ACYP2: variants seen among roughly 807,000 people sequenced by gnomAD.
ACYP2 encodes acylphosphatase 2.
Under a neutral mutation model 11.2 loss-of-function variants are expected in ACYP2, and 12 were observed. The observed-to-expected ratio is 1.08, with a 90% CI of 0.69 to 1.74. ACYP2 has a LOEUF of 1.74. Among genes scored for constraint, ACYP2 ranks in the 40% most tolerant of loss-of-function variants. The probability of loss-of-function intolerance (pLI) is 0.00; values close to 1 mark genes in which losing one functional copy is unlikely to be tolerated. For synonymous variants in ACYP2, 43 were observed against 32.2 expected (o/e 1.33, Z -1.13); for missense variants, 134 against 101.9 (o/e 1.31, Z -1.35).
chr2:54,044,167 G>T (rs1675390281), intron 2 of ACYP2, among the ~76,000 whole-genome samples: 1 of 152,160 alleles, frequency 6.6e-6, no homozygotes, highest in Non-Finnish European at 1.5e-5. Flanking sequence ...GCACGTCACA[G>T]TTACTCCATA....
At chr2:54,196,073 C>T (rs1178754818) in intron 6 of ACYP2, among the ~76,000 whole-genome samples, 5 of 152,018 alleles carry the variant, frequency 3.3e-5, no homozygotes, top group African/African-American at 1.2e-4. Flanking sequence ...GCTGGGATTA[C>T]GGGCATGAGC....
chr2:54,293,325 G>A (rs188339348), intron 6 of ACYP2, among the ~76,000 whole-genome samples: 2 of 152,278 alleles, frequency 1.3e-5, no homozygotes, highest in Admixed American at 6.5e-5. Context: ...GCTGCGGTGC[G>A]GCAAGGAAGT....
chr2:54,130,003 A>C (rs769147698), intron 4 of ACYP2, among the ~76,000 whole-genome samples: 1 of 151,770 alleles, frequency 6.6e-6, no homozygotes, highest in African/African-American at 2.4e-5. Context: ...GGTTTTTAAA[A>C]ATTCATTTAT....
chr2:54,268,051 G>A (rs934785201), intron 6 of ACYP2, among the ~76,000 whole-genome samples: 3 of 152,120 alleles, frequency 2.0e-5, no homozygotes, highest in Non-Finnish European at 4.4e-5. Context: ...ACCCCATTTG[G>A]TATCACTACC....
In ACYP2 at chr2:54,135,445, T is replaced by C; in HGVS notation, c.278-8T>C. The C allele has an allele frequency of 6.2e-7, 1 of 1,607,682 alleles. No homozygotes were observed. Among genetic ancestry groups the C allele is most frequent in the Non-Finnish European group, 8.5e-7 (1 of 1,177,088 alleles). On this transcript the variant is annotated splice_region_variant and splice_polypyrimidine_tract_variant and intron_variant, in intron 4 of 6. Coordinates refer to ENST00000607452, the MANE Select transcript of ACYP2 (RefSeq NM_001320586.2). Reference sequence around the variant, plus strand: ...GCTGACAATTCTTTTTATCTTTCTTTTATACAGGTGTTTGCTTCAGAATGG... The same window carrying C: ...GCTGACAATTCTTTTTATCTTTCTTCTATACAGGTGTTTGCTTCAGAATGG...
chr2:54,302,926 C>G (rs1018694378), intron 6 of ACYP2, among the ~76,000 whole-genome samples: 2 of 152,176 alleles, frequency 1.3e-5, no homozygotes, highest in Non-Finnish European at 2.9e-5. Context: ...GCTAACCACC[C>G]TGTGCAAGTT....
chr2:54,082,734 T>A (rs1465261353), intron 4 of ACYP2: 1 of 152,204 alleles, frequency 6.6e-6, no homozygotes, highest in Non-Finnish European at 1.5e-5. Flanking sequence ...AGTTATGGGC[T>A]GACATTCATG....
intron 6 of ACYP2, among the ~76,000 whole-genome samples, chr2:54,240,056 G>A (rs951716468): frequency 8.5e-5 from 13 of 152,164 alleles, no homozygotes; most frequent in African/African-American, 3.1e-4. Context: ...AGTCATTAGG[G>A]GTGGGAATTT....
chr2:54,051,104 C>T, intron 3 of ACYP2: 1 of 619,428 alleles, frequency 1.6e-6, no homozygotes, highest in Non-Finnish European at 2.9e-6. Flanking sequence ...TGCAATGGCT[C>T]TCACAGCCAT....
At position 54,116,001 on chromosome 2, in the gene ACYP2, C is replaced by T. The variant is rs527531823; in HGVS notation, c.278-19452C>T. On this transcript the variant is annotated intron_variant, in intron 4 of 6. Coordinates refer to ENST00000607452, the MANE Select transcript of ACYP2 (RefSeq NM_001320586.2). ...CGGGAGAGGAGGGGTCAGGGGACTGCTGAGGACCAGAAGTGGGCGGCTGCT... is the reference window on the plus strand; with the variant it reads ...CGGGAGAGGAGGGGTCAGGGGACTGTTGAGGACCAGAAGTGGGCGGCTGCT... Among the ~76,000 whole-genome samples, 10 of 152,066 alleles carry T rather than the reference C, an allele frequency of 6.6e-5. No individual in the cohort carries two copies. The South Asian group carries it at 2.1e-3, about 32-fold the overall frequency.
intron 4 of ACYP2, among the ~76,000 whole-genome samples, chr2:54,064,158 T>C (rs1036639454): frequency 1.3e-5 from 2 of 152,168 alleles, no homozygotes; most frequent in Non-Finnish European, 2.9e-5. Flanking sequence ...CTCTTTTTTT[T>C]TGGCTGCTCA....
chr2:54,269,536 C>T (rs1247092151), intron 6 of ACYP2, among the ~76,000 whole-genome samples: 2 of 152,212 alleles, frequency 1.3e-5, no homozygotes, highest in African/African-American at 2.4e-5. Context: ...TGGTTGGTGA[C>T]TCCCACAGCG....
intron 2 of ACYP2, among the ~76,000 whole-genome samples, chr2:54,016,567 AGT>A (rs1004250332): frequency 3.9e-5 from 6 of 152,236 alleles, no homozygotes; most frequent in African/African-American, 1.2e-4. Context: ...TATATAAGTG[AGT>A]GTTCTAGAAA....
intron 6 of ACYP2, among the ~76,000 whole-genome samples, chr2:54,235,389 C>G (rs909246291): frequency 1.3e-5 from 2 of 152,106 alleles, no homozygotes; most frequent in Non-Finnish European, 2.9e-5. Context: ...CGCTCTGTCA[C>G]CCAGGCTGGA....
intron 6 of ACYP2, among the ~76,000 whole-genome samples, chr2:54,143,736 T>A (rs1681734678): frequency 1.1e-5 from 1 of 91,002 alleles, no homozygotes; most frequent in Non-Finnish European, 2.0e-5. Context: ...CCAGCCGGTT[T>A]TTTTTTTTTT....
intron 6 of ACYP2, among the ~76,000 whole-genome samples, chr2:54,204,519 A>T (rs1022900721): frequency 2.3e-4 from 35 of 152,240 alleles, no homozygotes; most frequent in African/African-American, 7.7e-4. Context: ...AGTGTGGCAT[A>T]TGAAAGGTCC....
chr2:54,112,666 A>G (rs1679519984), intron 4 of ACYP2, among the ~76,000 whole-genome samples: 1 of 152,250 alleles, frequency 6.6e-6, no homozygotes, highest in African/African-American at 2.4e-5. Flanking sequence ...TGGAAAGACT[A>G]CAACATGGAA....
At chr2:54,043,757 T>A (rs1675367070) in intron 2 of ACYP2, among the ~76,000 whole-genome samples, 1 of 152,088 alleles carries the variant, frequency 6.6e-6, no homozygotes, top group African/African-American at 2.4e-5. Flanking sequence ...CATGGCAAAT[T>A]TACACATTAT....
chr2:54,132,940 C>T (rs1224873121), intron 4 of ACYP2, among the ~76,000 whole-genome samples: 1 of 152,024 alleles, frequency 6.6e-6, no homozygotes, highest in African/African-American at 2.4e-5. Context: ...GATGGGATTT[C>T]ACCATATTGG....
Sources: gnomAD v4.1 joint callset for allele counts (sites outside exome capture counted in the v4.1 genomes callset) on GRCh38, gnomAD v4.1.1 for gene constraint, MANE v1.5 for transcripts, NCBI Gene and HGNC (gene_info 2026-07-23, HGNC 2026-07-21) for gene names.